Variants in AKR1C2 observed in about 807,000 individuals in gnomAD.
AKR1C2 encodes 3-alpha-HSD3.
AKR1C2 carries 27 observed loss-of-function variants against 39.8 expected under a neutral mutation model. The observed-to-expected ratio is 0.68, with a 90% CI of 0.50 to 0.93. AKR1C2 has a LOEUF of 0.93. Among genes scored for constraint, AKR1C2 ranks in the 40% least tolerant of loss-of-function variants. The pLI is 0.00. For missense variants in AKR1C2, 263 were observed against 365.1 expected (o/e 0.72, Z 2.28); for synonymous variants, 114 against 137.9 (o/e 0.83, Z 1.22).
At chr10:5,017,030 C>T (rs1554775405) in intron 1 of AKR1C2, among the ~76,000 whole-genome samples, 2 of 152,334 alleles carry the variant, frequency 1.3e-5, no homozygotes, top group East Asian at 3.9e-4. Context: ...CCCAAGACTT[C>T]ACAGAGCAGT....
intron 1 of AKR1C2, among the ~76,000 whole-genome samples, chr10:5,002,247 C>T (rs1588306087): frequency 1.3e-5 from 2 of 151,944 alleles, no homozygotes; most frequent in East Asian, 3.9e-4. Flanking sequence ...ACAAATCTTC[C>T]AGTCTCCAAA....
At chr10:5,002,881 T>C (rs1837314508) in intron 1 of AKR1C2, among the ~76,000 whole-genome samples, 1 of 152,156 alleles carries the variant, frequency 6.6e-6, no homozygotes, top group Non-Finnish European at 1.5e-5. Flanking sequence ...TGCCAATTTA[T>C]ATTACAAAAT....
chr10:5,001,657 C>T lies in AKR1C2; in HGVS notation c.109G>A (p.Ala37Thr). The part of the protein sequence containing the change: ...AEVPKSKALE[A>T]VKLAIEAGFH... ...CCGGCTTCTATTGCCAATTTGACGGCCTCTAGAGCTTTACTTTTAGGAACC... is the reference window on the plus strand; with the variant it reads ...CCGGCTTCTATTGCCAATTTGACGGTCTCTAGAGCTTTACTTTTAGGAACC... Residue 37 changes from alanine to threonine, a missense_variant, in exon 2 of 9, where the codon GCC (alanine) becomes ACC (threonine). Ala to Thr is a moderately conservative substitution (Grantham distance 58, BLOSUM62 0). Transcript: ENST00000380753. 1 of 1,613,832 alleles carries T rather than the reference C, an allele frequency of 6.2e-7. No homozygotes were observed. Among genetic ancestry groups the T allele is most frequent in the Non-Finnish European group, 8.5e-7 (1 of 1,179,788 alleles).
intron 1 of AKR1C2, among the ~76,000 whole-genome samples, chr10:5,015,483 G>T (rs1481381987): frequency 6.6e-6 from 1 of 152,060 alleles, no homozygotes; most frequent in Non-Finnish European, 1.5e-5. Context: ...GTGTTCTGTA[G>T]ACACAGAACT....
At chr10:5,001,401 A>G in intron 2 of AKR1C2, 113 bp downstream of exon 2, 1 of 1,513,114 alleles carries the variant, frequency 6.6e-7, no homozygotes, top group Non-Finnish European at 8.8e-7. Context: ...GTGTGAATAA[A>G]TCGAAATAAA....
chr10:4,997,287 T>C (rs1357974257), intron 5 of AKR1C2: 3 of 152,308 alleles, frequency 2.0e-5, no homozygotes, highest in East Asian at 1.9e-4. Context: ...AATACAACAA[T>C]ATAAAAACAA....
rs1460416574 is a variant in AKR1C2 at position 5,003,329 on chromosome 10, C to T, written c.84+423G>A. Reference sequence around the variant, plus strand: ...AGTATTACAGTGTGGTGCTCAAGGCCGCCCATCAGAACAGTGATACTCTCC... The same window carrying T: ...AGTATTACAGTGTGGTGCTCAAGGCTGCCCATCAGAACAGTGATACTCTCC... On this transcript the variant is annotated intron_variant, in intron 1 of 8. Transcript: ENST00000380753. Among the ~76,000 whole-genome samples the T allele has an allele frequency of 2.7e-5, 4 of 150,602 alleles. No individual in the cohort carries two copies. In the South Asian group the frequency reaches 6.5e-4, roughly 24 times the overall value.
chr10:5,012,561 T>A (rs1158145069), intron 1 of AKR1C2, among the ~76,000 whole-genome samples: 6 of 151,418 alleles, frequency 4.0e-5, no homozygotes, highest in Admixed American at 1.3e-4. Context: ...ATAAGTGCCA[T>A]GAGCCAAGGA....
At chr10:4,993,331 A>G (rs1163227111) in intron 7 of AKR1C2, among the ~76,000 whole-genome samples, 3 of 152,210 alleles carry the variant, frequency 2.0e-5, no homozygotes, top group Admixed American at 2.0e-4. Flanking sequence ...GAGGCCAGAT[A>G]ATTGCTCATG....
At chr10:5,015,360 A>G (rs1187584854) in intron 1 of AKR1C2, 3 of 152,236 alleles carry the variant, frequency 2.0e-5, no homozygotes, top group Admixed American at 6.5e-5. Context: ...ATTATTCTCC[A>G]GTATAAAGGA....
chr10:5,004,527 T>A (rs71477888), upstream of AKR1C2, among the ~76,000 whole-genome samples: 789 of 152,020 alleles, frequency 5.2e-3, 7 homozygotes, highest in African/African-American at 0.018. Context: ...CAGCTTTTGG[T>A]CTTTGGATAT....
At chr10:5,000,774 A>G (rs1478400407) in intron 2 of AKR1C2, 108 bp from the exon 3 acceptor site, 4 of 930,010 alleles carry the variant, frequency 4.3e-6, no homozygotes, top group Non-Finnish European at 6.7e-6. Context: ...ACTAATGACC[A>G]CAGGCAAAAT....
Position 5,001,545 on chromosome 10 carries a change from A to G in AKR1C2, c.221T>C (p.Val74Ala). The G allele has an allele frequency of 1.2e-6, 2 of 1,613,974 alleles. No individual in the cohort carries two copies. Among genetic ancestry groups the G allele is most frequent in the Non-Finnish European group, 8.5e-7 (1 of 1,179,876 alleles). The change falls in exon 2 of 9, where the codon GTG becomes GCG. Residue 74 changes from valine (V) to alanine (A), a missense_variant. Physicochemically the swap from Val to Ala is moderately conservative, Grantham distance 64. Around this residue, in one of 3 missense-constraint regions of AKR1C2, gnomAD observed 247 missense variants for 267.9 expected, o/e 0.92. Transcript: ENST00000380753. Reference sequence around the variant, plus strand: ...AGTGTAGAATATGTCTTCTCTCTTCACACTGCCATCTGCAATCTTGCTTCG... The same window carrying G: ...AGTGTAGAATATGTCTTCTCTCTTCGCACTGCCATCTGCAATCTTGCTTCG... ...AIRSKIADGS[V>A]KREDIFYTSK...
At chr10:5,008,741 TA>T (rs1554774643), upstream of AKR1C2, among the ~76,000 whole-genome samples, 1 of 152,234 alleles carries the variant, frequency 6.6e-6, no homozygotes, top group African/African-American at 2.4e-5. Flanking sequence ...CTCAAGTAAA[TA>T]AATGATCCTA....
intron 1 of AKR1C2, among the ~76,000 whole-genome samples, chr10:5,002,490 A>G (rs1241126297): frequency 6.6e-6 from 1 of 152,190 alleles, no homozygotes; most frequent in Non-Finnish European, 1.5e-5. Context: ...TGTATACTCT[A>G]AGGATATTGA....
chr10:5,000,123 G>A (rs1168909445), intron 3 of AKR1C2: 57 of 1,246,278 alleles, frequency 4.6e-5, no homozygotes, highest in South Asian at 2.5e-4. Context: ...GACATTCCCG[G>A]ACTGAGTTCT....
At chr10:4,992,720 G>A (rs189168424) in intron 7 of AKR1C2, among the ~76,000 whole-genome samples, 23 of 149,764 alleles carry the variant, frequency 1.5e-4, no homozygotes, top group African/African-American at 5.1e-4. Flanking sequence ...GGAGGCCAGC[G>A]CAGGAGGATT....
At chr10:4,994,202 T>C (rs1490417530) in intron 7 of AKR1C2, among the ~76,000 whole-genome samples, 1 of 151,948 alleles carries the variant, frequency 6.6e-6, no homozygotes, top group Non-Finnish European at 1.5e-5. Context: ...TACACATATG[T>C]ATGTATTCTG....
In AKR1C2 at chr10:4,987,929, T is replaced by C. The variant is rs1183923513; in HGVS notation, c.*2067A>G. Reference sequence around the variant, plus strand: ...GAGAAAAAATAGGAAAATTAGTGATTGGAGGTCCCTATAAAATTTTCTTAC... The same window carrying C: ...GAGAAAAAATAGGAAAATTAGTGATCGGAGGTCCCTATAAAATTTTCTTAC... On this transcript the variant is annotated 3_prime_UTR_variant, in exon 9 of 9. Transcript: ENST00000380753. The C allele has an allele frequency of 6.7e-6, 1 of 149,602 alleles. No individual in the cohort carries two copies. Among genetic ancestry groups the C allele is most frequent in the Non-Finnish European group, 1.5e-5 (1 of 67,516 alleles). 9.3% of individuals were successfully genotyped at this position (149,602 alleles called of 1,614,324 possible).
Sources: gnomAD v4.1 joint callset for allele counts (sites outside exome capture counted in the v4.1 genomes callset) on GRCh38, gnomAD v4.1.1 for gene constraint, gnomAD v4.1.1 regional missense constraint, MANE v1.5 for transcripts, NCBI Gene and HGNC (gene_info 2026-07-23, HGNC 2026-07-21) for gene names.